Variants in SARS1 observed in about 807,000 individuals in gnomAD.
SARS1 encodes the protein seryl-tRNA synthetase 1.
SARS1 carries 25 observed loss-of-function variants against 63.7 expected under a neutral mutation model. The ratio of observed to expected loss-of-function variants is 0.39; its 90% CI spans 0.29 to 0.55. The LOEUF (loss-of-function observed/expected upper bound fraction) is 0.55. Among genes scored for constraint, SARS1 ranks in the 20% least tolerant of loss-of-function variants. The pLI is 0.62. For missense variants in SARS1, 417 were observed against 649.7 expected, an observed-to-expected ratio of 0.64 and a Z score of 3.89; for synonymous variants, 231 against 243.5, an observed-to-expected ratio of 0.95 and a Z score of 0.48.
intron 3 of SARS1, among the ~76,000 whole-genome samples, 171 bp from the exon 4 acceptor site, chr1:109,229,243 A>G (rs917371882): frequency 1.3e-5 from 2 of 152,234 alleles, no homozygotes; most frequent in African/African-American, 2.4e-5. Context: ...AAGACTGTGT[A>G]TATCTGTGTG....
rs1322919587 is a variant in SARS1, at chr1:109,213,943, G to A, written c.-50G>A. 6.4e-7 allele frequency: 1 copy of A among 1,561,782 alleles called. No homozygotes were observed. Among genetic ancestry groups the A allele is most frequent in the South Asian group, 1.2e-5 (1 of 85,266 alleles). ...GCAGTGCGGCGGTCACAGGCTGAGT[G>A]CTGCGGCGCGATCCTTGCTTCCCTG... is the stretch of plus-strand genomic sequence containing the variant. On this transcript the variant is annotated 5_prime_UTR_variant, in exon 1 of 11. Transcript: ENST00000234677.
intron 9 of SARS1, chr1:109,236,850 T>C: frequency 6.2e-7 from 1 of 1,602,130 alleles, no homozygotes; most frequent in Non-Finnish European, 8.5e-7. Context: ...GTTGGAGGCT[T>C]CCCTCTTCTC....
At chr1:109,226,715 CACACACACACACAT>C (rs1281652486) in intron 2 of SARS1, among the ~76,000 whole-genome samples, 3 of 52,688 alleles carry the variant, frequency 5.7e-5, no homozygotes, top group Non-Finnish European at 1.3e-4. Flanking sequence ...CACACACACA[CACACACACACACAT>C]ATATATATAT....
intron 1 of SARS1, among the ~76,000 whole-genome samples, chr1:109,217,868 A>G (rs940598430): frequency 6.6e-6 from 1 of 152,054 alleles, no homozygotes; most frequent in Non-Finnish European, 1.5e-5. Flanking sequence ...CCCCGAAATT[A>G]TATTTTCAAC....
chr1:109,228,288 T>C lies in SARS1; in HGVS notation c.208-64T>C, dbSNP rs1655134691. 3 of 1,236,890 alleles carry C rather than the reference T, an allele frequency of 2.4e-6. No individual in the cohort carries two copies. In the East Asian group the frequency reaches 7.0e-5, roughly 29 times the overall value. 76.6% of individuals were successfully genotyped at this position (1,236,890 alleles called of 1,614,324 possible). On this transcript the variant is annotated intron_variant, in intron 2 of 10. Coordinates refer to ENST00000234677, the MANE Select transcript of SARS1 (RefSeq NM_006513.4). ...TATAATACGTTAATTTGGTGTACAC[T>C]TTATAAAACAATGCCAGAGATTTTC... is the stretch of plus-strand genomic sequence containing the variant.
Position 109,230,937 on chromosome 1 carries a change from T to C in SARS1, c.507T>C (p.Ser169=). The change falls in exon 5 of 11, where the codon TCT becomes TCC. Residue 169 remains serine (S), a synonymous_variant. Coordinates refer to ENST00000234677, the MANE Select transcript of SARS1 (RefSeq NM_006513.4). ...ATTGTACAGTCAGGAAGAAGTACTC[T>C]CATGTGGACCTGGTGGTGATGGTAG... is the stretch of plus-strand genomic sequence containing the variant. The part of the protein sequence containing the change: ...WGDCTVRKKY[S]HVDLVVMVDG... 1 of 1,596,222 alleles carries C rather than the reference T, an allele frequency of 6.3e-7. No homozygotes were observed. The highest frequency in any genetic ancestry group is 8.5e-7 in the Non-Finnish European group (1 of 1,170,986).
intron 1 of SARS1, chr1:109,215,199 G>A (rs756070918): frequency 3.6e-5 from 35 of 985,436 alleles, no homozygotes; most frequent in South Asian, 4.7e-5. Context: ...GTAGTAGTTT[G>A]TTTGATTGTG....
At chr1:109,221,576 A>G (rs1326713726) in intron 1 of SARS1, among the ~76,000 whole-genome samples, 1 of 152,212 alleles carries the variant, frequency 6.6e-6, no homozygotes, top group Non-Finnish European at 1.5e-5. Flanking sequence ...TTACAATTAA[A>G]TAACTTTAAC....
chr1:109,215,756 A>G (rs1654769862), intron 1 of SARS1: 1 of 683,864 alleles, frequency 1.5e-6, no homozygotes, highest in Admixed American at 6.3e-5. Flanking sequence ...CCCAGATTGG[A>G]GTGCAGTGGC....
In SARS1 at chr1:109,237,371, C is replaced by T; in HGVS notation, c.1385C>T (p.Pro462Leu). 6.2e-7 allele frequency: 1 copy of T among 1,614,212 alleles called. No homozygotes were observed. Among genetic ancestry groups the T allele is most frequent in the Non-Finnish European group, 8.5e-7 (1 of 1,180,030 alleles). ...VPEKLKEFMP[P>L]GLQELIPFVK... ...GAGAAATTGAAGGAGTTCATGCCGC[C>T]AGGTAAAACTCCCAGCTCATCTCAT... The change falls in exon 10 of 11, where the codon CCA becomes CTA. Residue 462 changes from proline (P) to leucine (L), a missense_variant and splice_region_variant. Transcript: ENST00000234677. This position sits in a 1 kb window ranked among gnomAD's most constrained non-coding sequence, Gnocchi z 4.1.
chr1:109,215,192 GTAGT>G (rs1654757023), intron 1 of SARS1: 5 of 985,424 alleles, frequency 5.1e-6, no homozygotes, highest in Non-Finnish European at 6.0e-6. Context: ...CTCTATTGTA[GTAGT>G]TTGTTTGATT....
intron 2 of SARS1, among the ~76,000 whole-genome samples, chr1:109,226,675 A>ATAT (rs1164050994): frequency 0.038 from 1,196 of 31,698 alleles, 17 homozygotes; most frequent in East Asian, 0.068. Context: ...AAAAAAAAAA[A>ATAT]AAATATATAT....
At chr1:109,233,862 A>ATTGT (rs1655256139) in intron 6 of SARS1, among the ~76,000 whole-genome samples, 1 of 65,968 alleles carries the variant, frequency 1.5e-5, no homozygotes, top group African/African-American at 5.5e-5. Context: ...CACCTGGCTA[A>ATTGT]TTTTTTTTTT....
At chr1:109,221,601 C>T (rs1294706045) in intron 1 of SARS1, among the ~76,000 whole-genome samples, 1 of 152,056 alleles carries the variant, frequency 6.6e-6, no homozygotes, top group Non-Finnish European at 1.5e-5. Flanking sequence ...TAACTGGATA[C>T]AATACACAGA....
In SARS1 at chr1:109,214,680, A is replaced by C. The variant is rs754898767; in HGVS notation, c.136+552A>C. On this transcript the variant is annotated intron_variant, in intron 1 of 10. Transcript: ENST00000234677. The surrounding 1 kb of genome is among the most constrained non-coding windows in gnomAD (Gnocchi z 4.6). The stretch of plus-strand genomic sequence containing the variant: ...TGACCCTGAAGCTTTTCGGAAGGCC[A>C]TCCCCCGACCTATGGGCATACCTTT... 174 of 985,534 alleles carry C rather than the reference A, an allele frequency of 1.8e-4. No homozygotes were observed. The highest frequency in any genetic ancestry group is 2.0e-4 in the Non-Finnish European group (168 of 830,050). The allele number at this position is 985,534 out of a possible 1,614,324, so 61.0% of individuals were successfully genotyped here.
intron 1 of SARS1, among the ~76,000 whole-genome samples, chr1:109,217,479 C>T (rs945876558): frequency 3.3e-5 from 5 of 151,198 alleles, no homozygotes; most frequent in Admixed American, 6.6e-5. Context: ...TAAAGAGAAA[C>T]AGATGAAATT....
rs1249823844 is a variant in SARS1 at position 109,216,883 on chromosome 1, A to G, written c.136+2755A>G. The G allele has an allele frequency of 1.5e-5, 15 of 976,360 alleles. No individual in the cohort carries two copies. In the Admixed American group the frequency reaches 9.2e-4, roughly 60 times the overall value. 60.5% of individuals were successfully genotyped at this position (976,360 alleles called of 1,614,324 possible). A position where few individuals can be genotyped will look rare whatever the true frequency, so the allele number is the denominator to read the frequency against. On this transcript the variant is annotated intron_variant, in intron 1 of 10. Coordinates refer to ENST00000234677, the MANE Select transcript of SARS1 (RefSeq NM_006513.4). ...AGCGATCCTCCCACCTCGGCCTCCC[A>G]AAGTGTTGGGATTACAGGCATGAGT... is the stretch of plus-strand genomic sequence containing the variant.
intron 1 of SARS1, among the ~76,000 whole-genome samples, chr1:109,218,406 CTTTTTT>C (rs34756917): frequency 1.7e-5 from 2 of 118,680 alleles, no homozygotes; most frequent in African/African-American, 6.3e-5. Flanking sequence ...AGATATTTTA[CTTTTTT>C]TTTTTTTTTT....
At chr1:109,225,927 A>T (rs975387299) in intron 2 of SARS1, among the ~76,000 whole-genome samples, 6 of 152,026 alleles carry the variant, frequency 3.9e-5, no homozygotes, top group African/African-American at 1.4e-4. Flanking sequence ...GATTTAGTCC[A>T]TTTTTTCCCT....
Sources: gnomAD v4.1 joint callset for allele counts (sites outside exome capture counted in the v4.1 genomes callset) on GRCh38, gnomAD v4.1.1 for gene constraint, Gnocchi (gnomAD v3.1) non-coding constraint, MANE v1.5 for transcripts, NCBI Gene and HGNC (gene_info 2026-07-23, HGNC 2026-07-21) for gene names.